ROCK1: variants seen among roughly 807,000 people sequenced by gnomAD.
The protein encoded by ROCK1 is rho-associated protein kinase 1.
In ROCK1, 36 loss-of-function variants were observed where a neutral mutation model predicts 196.8. The observed-to-expected ratio is 0.18, with a 90% CI of 0.14 to 0.24. The LOEUF (loss-of-function observed/expected upper bound fraction) is 0.24, where lower values mean the gene tolerates loss of function less well. Among genes scored for constraint, ROCK1 ranks in the 10% least tolerant of loss-of-function variants. The pLI is 1.00. For missense variants in ROCK1, 920 were observed against 1,562.0 expected (o/e 0.59, Z 6.93); for synonymous variants, 443 against 515.9 (o/e 0.86, Z 1.91).
At chr18:20,987,567 A>G (rs1454759945) in intron 18 of ROCK1, among the ~76,000 whole-genome samples, 3 of 152,208 alleles carry the variant, frequency 2.0e-5, no homozygotes, top group Admixed American at 1.3e-4. Context: ...GATGAATAAG[A>G]TTCCACAGTA....
intron 13 of ROCK1, among the ~76,000 whole-genome samples, chr18:21,008,979 A>C (rs2035791967): frequency 6.6e-6 from 1 of 152,102 alleles, no homozygotes; most frequent in African/African-American, 2.4e-5. Context: ...TGTAAGCACC[A>C]CCACAACGAA....
chr18:21,015,321 T>C (rs746786070), intron 13 of ROCK1, 110 bp downstream of exon 13: 13 of 748,620 alleles, frequency 1.7e-5, no homozygotes, highest in Non-Finnish European at 3.1e-5. Context: ...TTCTCTGCTC[T>C]GTTTTGTGTT....
At chr18:21,052,397 C>T (rs2036211086) in intron 2 of ROCK1, among the ~76,000 whole-genome samples, 1 of 152,164 alleles carries the variant, frequency 6.6e-6, no homozygotes, top group Non-Finnish European at 1.5e-5. Context: ...GGATCTTAAA[C>T]GAAGCCTATT....
At chr18:21,022,226 T>G (rs1300650901) in intron 11 of ROCK1, among the ~76,000 whole-genome samples, 1 of 152,140 alleles carries the variant, frequency 6.6e-6, no homozygotes, top group Non-Finnish European at 1.5e-5. Flanking sequence ...AGATAATTAC[T>G]CTGGATATTT....
chr18:21,094,185 G>A (rs188579805), intron 1 of ROCK1, among the ~76,000 whole-genome samples: 57 of 152,246 alleles, frequency 3.7e-4, no homozygotes, highest in Middle Eastern at 3.4e-3. Context: ...AAAGAAAAAC[G>A]TAAGAGAACA....
At chr18:20,995,276 A>G (rs572970376) in intron 16 of ROCK1, among the ~76,000 whole-genome samples, 5 of 152,334 alleles carry the variant, frequency 3.3e-5, no homozygotes, top group South Asian at 2.1e-4. Flanking sequence ...AAAACATCCC[A>G]TAAGTATGTA....
intron 1 of ROCK1, among the ~76,000 whole-genome samples, chr18:21,078,373 C>CACACACACACACACACACACAG (rs1491188980): frequency 2.9e-4 from 19 of 66,118 alleles, no homozygotes; most frequent in African/African-American, 6.8e-4. Flanking sequence ...CACACACACA[C>CACACACACACACACACACACAG]AGAGAGAGAG....
chr18:21,097,291 A>G (rs1016172619), intron 1 of ROCK1, among the ~76,000 whole-genome samples: 5 of 152,230 alleles, frequency 3.3e-5, no homozygotes, highest in Non-Finnish European at 4.4e-5. Flanking sequence ...GGATTTGGGT[A>G]GTGCAGCAGT....
At chr18:21,015,318 C>T in intron 13 of ROCK1, 113 bp downstream of exon 13, 1 of 739,044 alleles carries the variant, frequency 1.4e-6, no homozygotes, top group East Asian at 2.8e-5. Flanking sequence ...CAATTCTCTG[C>T]TCTGTTTTGT....
At chr18:21,098,438 T>C (rs1371918697) in intron 1 of ROCK1, among the ~76,000 whole-genome samples, 1 of 152,120 alleles carries the variant, frequency 6.6e-6, no homozygotes, top group African/African-American at 2.4e-5. Context: ...CGAGTAGATT[T>C]CAAAGTAAAA....
intron 29 of ROCK1, among the ~76,000 whole-genome samples, chr18:20,959,095 T>TATATATA: frequency 5.4e-5 from 1 of 18,638 alleles, no homozygotes; most frequent in African/African-American, 2.5e-4. Flanking sequence ...TTTTATATAA[T>TATATATA]ATATATATTA....
chr18:21,042,998 A>G (rs2143505653), intron 6 of ROCK1, among the ~76,000 whole-genome samples: 1 of 152,238 alleles, frequency 6.6e-6, no homozygotes, highest in East Asian at 1.9e-4. Context: ...ACCAGTGATT[A>G]TTTTGTAATA....
intron 7 of ROCK1, 59 bp downstream of exon 7, chr18:21,042,506 A>G: frequency 6.6e-7 from 1 of 1,519,700 alleles, no homozygotes; most frequent in Non-Finnish European, 8.9e-7. Context: ...GAAAGAGCCA[A>G]GTGGCAAGTT....
intron 2 of ROCK1, among the ~76,000 whole-genome samples, chr18:21,058,621 G>C (rs1412683282): frequency 6.6e-6 from 1 of 151,892 alleles, no homozygotes; most frequent in East Asian, 1.9e-4. Flanking sequence ...TTTTCCTTGA[G>C]ACAGGGTCTC....
intron 1 of ROCK1, among the ~76,000 whole-genome samples, chr18:21,107,486 CAGTT>C (rs2036712790): frequency 6.6e-6 from 1 of 152,142 alleles, no homozygotes; most frequent in African/African-American, 2.4e-5. Flanking sequence ...AAGTAAGTAT[CAGTT>C]ACACAAATCA....
chr18:21,007,778 A>G (rs1027422680), intron 14 of ROCK1, among the ~76,000 whole-genome samples: 6 of 152,228 alleles, frequency 3.9e-5, no homozygotes, highest in African/African-American at 1.4e-4. Context: ...GGATTTAGGC[A>G]TCAGTACTCT....
intron 2 of ROCK1, among the ~76,000 whole-genome samples, chr18:21,058,626 G>C (rs1311798909): frequency 6.6e-6 from 1 of 151,876 alleles, no homozygotes; most frequent in African/African-American, 2.4e-5. Context: ...CTTGAGACAG[G>C]GTCTCACGCT....
At position 21,110,851 on chromosome 18, in the gene ROCK1, A is replaced by G. The variant is rs754465556; in HGVS notation, c.60T>C (p.Asp20=). The change falls in exon 1 of 33, where the codon GAT becomes GAC. Residue 20 remains aspartate, a synonymous_variant. Coordinates refer to ENST00000399799, the MANE Select transcript of ROCK1 (RefSeq NM_005406.3). The part of the protein sequence containing the change: ...RFEKMDNLLR[D]PKSEVNSDCL... ...AATCCGAATTCACTTCCGATTTGGGATCCCGCAGCAGGTTGTCCATTTTTT... is the reference window on the plus strand; with the variant it reads ...AATCCGAATTCACTTCCGATTTGGGGTCCCGCAGCAGGTTGTCCATTTTTT... 1.2e-6 allele frequency: 2 copies of G among 1,614,168 alleles called. No individual in the cohort carries two copies. The highest frequency in any genetic ancestry group is 1.1e-5 in the South Asian group (1 of 91,086).
intron 10 of ROCK1, among the ~76,000 whole-genome samples, chr18:21,025,517 G>A (rs539331448): frequency 4.6e-5 from 7 of 152,098 alleles, no homozygotes; most frequent in Non-Finnish European, 7.4e-5. Flanking sequence ...TTGAGGCCAG[G>A]GGTTTGAGAC....
Sources: gnomAD v4.1 joint callset for allele counts (sites outside exome capture counted in the v4.1 genomes callset) on GRCh38, gnomAD v4.1.1 for gene constraint, MANE v1.5 for transcripts, NCBI Gene and HGNC (gene_info 2026-07-23, HGNC 2026-07-21) for gene names.